The following MED12L variants were observed in gnomAD, a reference collection of about 807,000 sequenced individuals.
MED12L encodes the protein mediator complex subunit 12L.
In MED12L, 60 loss-of-function variants were observed where a neutral mutation model predicts 281.3. That is an observed-to-expected ratio of 0.21 (90% confidence interval 0.17 to 0.26). The LOEUF is 0.26. Ranked by LOEUF, MED12L falls within the 10% of genes least tolerant of loss-of-function variation. The pLI is 1.00. For synonymous variants in MED12L, 974 were observed against 987.2 expected (o/e 0.99, Z 0.25); for missense variants, 2,146 against 2,680.9 (o/e 0.80, Z 4.41).
intron 5 of MED12L, among the ~76,000 whole-genome samples, chr3:151,147,724 G>C (rs1717928363): frequency 6.6e-6 from 1 of 152,202 alleles, no homozygotes; most frequent in Non-Finnish European, 1.5e-5. Context: ...GTGTTCCATT[G>C]TATGCATATG....
rs987898386 is a variant in MED12L, at chr3:151,377,017, C to G, written c.4155C>G (p.Asn1385Lys). 5 of 1,613,754 alleles carry G rather than the reference C, an allele frequency of 3.1e-6. No homozygotes were observed. The highest frequency in any genetic ancestry group is 4.2e-6 in the Non-Finnish European group (5 of 1,179,884). Residue 1385 changes from asparagine (N) to lysine (K), a missense_variant, in exon 30 of 45, where the codon AAC becomes AAG. By Grantham distance (94) the Asn-to-Lys change is moderately conservative. This residue lies in a region of MED12L where 235 missense variants were observed against 260.3 expected (regional missense o/e 0.90). Transcript: ENST00000687756. Reference protein sequence around the residue: ...DPGSGSVAEMNNLLDNIAKAT... With the variant: ...DPGSGSVAEMKNLLDNIAKAT... Reference sequence around the variant, plus strand: ...GCTCTGGTTCTGTGGCCGAAATGAACAACTTACTGGACAATATTGCAAAGG... The same window carrying G: ...GCTCTGGTTCTGTGGCCGAAATGAAGAACTTACTGGACAATATTGCAAAGG...
intron 16 of MED12L, among the ~76,000 whole-genome samples, chr3:151,290,900 T>G (rs1159484250): frequency 6.6e-6 from 1 of 152,200 alleles, no homozygotes; most frequent in Non-Finnish European, 1.5e-5. Context: ...CTGGGGAGTG[T>G]GCTGAATTCT....
At chr3:151,102,800 A>G (rs1220751725) in intron 2 of MED12L, among the ~76,000 whole-genome samples, 2 of 152,136 alleles carry the variant, frequency 1.3e-5, no homozygotes, top group Non-Finnish European at 2.9e-5. Context: ...TTTGCAATAC[A>G]TTTGGTGGGG....
intron 16 of MED12L, among the ~76,000 whole-genome samples, chr3:151,257,572 C>T (rs193263465): frequency 6.6e-6 from 1 of 152,184 alleles, no homozygotes; most frequent in African/African-American, 2.4e-5. Flanking sequence ...GAATATTGTT[C>T]TGTATGCCTG....
chr3:151,357,883 C>T (rs926490286), intron 20 of MED12L, among the ~76,000 whole-genome samples: 2 of 152,178 alleles, frequency 1.3e-5, no homozygotes, highest in Non-Finnish European at 2.9e-5. Flanking sequence ...GCTTACTCTA[C>T]TAATGAAGTT....
chr3:151,213,310 T>C, intron 16 of MED12L: 1 of 1,605,906 alleles, frequency 6.2e-7, no homozygotes, highest in Non-Finnish European at 8.5e-7. Context: ...TCACAAAGTA[T>C]CTGTGCTTTC....
chr3:151,088,066 T>C (rs1719519397), intron 2 of MED12L, among the ~76,000 whole-genome samples: 1 of 152,222 alleles, frequency 6.6e-6, no homozygotes, highest in Non-Finnish European at 1.5e-5. Context: ...AGAAAGGGCC[T>C]TGTAAACCAG....
intron 2 of MED12L, among the ~76,000 whole-genome samples, chr3:151,111,162 A>G (rs1374501122): frequency 2.0e-5 from 3 of 152,178 alleles, no homozygotes; most frequent in South Asian, 4.2e-4. Context: ...GGGTCTTTTT[A>G]TTTTCCCAAG....
rs1333740399 is a variant in MED12L at position 151,156,398 on chromosome 3, T to C, written c.726+68T>C. On this transcript the variant is annotated intron_variant, in intron 6 of 44. Coordinates refer to ENST00000687756, the MANE Select transcript of MED12L (RefSeq NM_001393769.1). ...AGAAGACAGCAAATTCCTTATAGTT[T>C]GGTGTTCTGGGGTTAAATCCTATTT... The C allele has an allele frequency of 4.1e-6, 6 of 1,453,502 alleles. No individual in the cohort carries two copies. In the African/African-American group the frequency reaches 4.3e-5, roughly 10 times the overall value. The allele number at this position is 1,453,502 out of a possible 1,614,324, so 90.0% of individuals were successfully genotyped here.
At chr3:151,374,426 T>G (rs1451932882) in intron 27 of MED12L, among the ~76,000 whole-genome samples, 2 of 152,162 alleles carry the variant, frequency 1.3e-5, no homozygotes, top group Non-Finnish European at 2.9e-5. Context: ...CACATGCCTG[T>G]CATCCCAGCT....
chr3:151,242,044 C>G (rs978210176), intron 16 of MED12L, among the ~76,000 whole-genome samples: 1 of 152,122 alleles, frequency 6.6e-6, no homozygotes, highest in Non-Finnish European at 1.5e-5. Context: ...TCACTCCCAC[C>G]CGAATACTGC....
chr3:151,289,598 A>G (rs576687194), intron 16 of MED12L, among the ~76,000 whole-genome samples: 1 of 152,354 alleles, frequency 6.6e-6, no homozygotes, highest in South Asian at 2.1e-4. Flanking sequence ...TTTAAAAACT[A>G]TCATGGGTTA....
At chr3:151,206,640 A>ATTTTTT (rs1216609130) in intron 16 of MED12L, among the ~76,000 whole-genome samples, 4 of 16,008 alleles carry the variant, frequency 2.5e-4, no homozygotes, top group African/African-American at 5.2e-4. Context: ...CTAACACATT[A>ATTTTTT]TCTTTTTTTT....
At chr3:151,316,207 A>T (rs565615202) in intron 16 of MED12L, among the ~76,000 whole-genome samples, 2 of 148,990 alleles carry the variant, frequency 1.3e-5, no homozygotes, top group African/African-American at 4.9e-5. Flanking sequence ...CTCTCTCTTT[A>T]AAAAAAAACA....
At chr3:151,240,310 A>T (rs1480770615) in intron 16 of MED12L, among the ~76,000 whole-genome samples, 1 of 152,136 alleles carries the variant, frequency 6.6e-6, no homozygotes, top group Non-Finnish European at 1.5e-5. Flanking sequence ...TATTTCTGTG[A>T]TTTCTTTTTT....
chr3:151,354,199 A>G (rs912188907), intron 17 of MED12L, among the ~76,000 whole-genome samples: 2 of 151,004 alleles, frequency 1.3e-5, no homozygotes, highest in Non-Finnish European at 2.9e-5. Flanking sequence ...TATCAATCAT[A>G]TATCCAACTT....
In MED12L at chr3:151,355,194, A is replaced by G. The variant is rs538503545; in HGVS notation, c.2472A>G (p.Lys824=). Residue 824 remains lysine (K), a synonymous_variant, in exon 18 of 45, where the codon AAA becomes AAG. Coordinates refer to ENST00000687756, the MANE Select transcript of MED12L (RefSeq NM_001393769.1). ...CAACACTGGAGACTGTGTTCACTAAACTCCAGCTCCTTTCATATTTTGATC... is the reference window on the plus strand; with the variant it reads ...CAACACTGGAGACTGTGTTCACTAAGCTCCAGCTCCTTTCATATTTTGATC... ...TFPTLETVFT[K]LQLLSYFDQH... The G allele has an allele frequency of 3.4e-5, 55 of 1,613,766 alleles. No individual in the cohort carries two copies. The East Asian group carries it at 1.1e-3, about 33-fold the overall frequency.
At position 151,376,887 on chromosome 3, in the gene MED12L, T is replaced by C. The variant is rs746390895; in HGVS notation, c.4128+13T>C. ...CTTGAAGGACCCTGTGAGTTTATAT[T>C]GAAAGCTTATCTCTGTATGAAATTT... On this transcript the variant is annotated intron_variant, in intron 29 of 44. Coordinates refer to ENST00000687756, the MANE Select transcript of MED12L (RefSeq NM_001393769.1). 7.4e-6 allele frequency: 12 copies of C among 1,613,496 alleles called. No individual in the cohort carries two copies. The African/African-American group carries it at 1.5e-4, about 20-fold the overall frequency.
chr3:151,365,342 C>G, intron 22 of MED12L, 136 bp downstream of exon 22: 1 of 662,396 alleles, frequency 1.5e-6, no homozygotes, highest in Non-Finnish European at 2.6e-6. Flanking sequence ...TCTTTTATTC[C>G]TTAATTTACC....
Sources: allele counts gnomAD v4.1 joint callset (sites outside exome capture counted in the v4.1 genomes callset), GRCh38; gene constraint gnomAD v4.1.1; regional missense constraint gnomAD v4.1.1; transcripts MANE v1.5; gene names NCBI Gene and HGNC (gene_info 2026-07-23, HGNC 2026-07-21).